Variants in ATP8A1 observed in about 807,000 individuals in gnomAD.
ATP8A1 encodes the protein ATPase phospholipid transporting 8A1.
ATP8A1 carries 90 observed loss-of-function variants against 177.7 expected under a neutral mutation model. The observed-to-expected ratio is 0.51, with a 90% confidence interval of 0.43 to 0.60. ATP8A1 has a LOEUF of 0.60. ATP8A1 is among the 20% of genes least tolerant of loss of function. The pLI is 0.00. For missense variants in ATP8A1, 1,072 were observed against 1,392.8 expected (o/e 0.77, Z 3.67); for synonymous variants, 493 against 485.9 (o/e 1.01, Z -0.19).
intron 34 of ATP8A1, among the ~76,000 whole-genome samples, chr4:42,423,158 G>A (rs746315142): frequency 1.3e-5 from 2 of 151,822 alleles, no homozygotes; most frequent in Non-Finnish European, 2.9e-5. Context: ...TAAATTAAAT[G>A]CTATCTTTTT....
chr4:42,599,153 A>G (rs944794096), intron 6 of ATP8A1, among the ~76,000 whole-genome samples: 1 of 152,192 alleles, frequency 6.6e-6, no homozygotes, highest in African/African-American at 2.4e-5. Context: ...GAAGTAGTAC[A>G]TTATTATCTC....
At chr4:42,454,029 A>G (rs1357776526) in intron 29 of ATP8A1, among the ~76,000 whole-genome samples, 1 of 152,254 alleles carries the variant, frequency 6.6e-6, no homozygotes, top group Non-Finnish European at 1.5e-5. Flanking sequence ...ATAACTGCAC[A>G]TTAATAGTAT....
intron 4 of ATP8A1, among the ~76,000 whole-genome samples, chr4:42,618,789 T>C (rs544428380): frequency 1.3e-5 from 2 of 152,348 alleles, no homozygotes; most frequent in South Asian, 4.1e-4. Flanking sequence ...CTTAAAAATG[T>C]ACTAAATTCA....
chr4:42,533,088 G>A (rs1727445248), intron 20 of ATP8A1, among the ~76,000 whole-genome samples: 1 of 152,170 alleles, frequency 6.6e-6, no homozygotes, highest in South Asian at 2.1e-4. Context: ...ACGGACGTGC[G>A]TGACATGAAC....
rs555266712 is a variant in ATP8A1, at chr4:42,511,495, T to C, written c.1948-4341A>G. On this transcript the variant is annotated intron_variant, in intron 22 of 36. Coordinates refer to ENST00000381668, the MANE Select transcript of ATP8A1 (RefSeq NM_006095.2). ...TCACCAAGCTAAATGTTATAAAGGC[T>C]TGAGGTTGATGACTCTTTGACATAA... 5.3e-5 allele frequency among the ~76,000 whole-genome samples: 8 copies of C among 152,312 alleles called. No homozygotes were observed. In the South Asian group the frequency reaches 1.7e-3, roughly 32 times the overall value.
intron 24 of ATP8A1, among the ~76,000 whole-genome samples, chr4:42,502,176 A>G (rs778363343): frequency 5.7e-4 from 86 of 152,156 alleles, no homozygotes; most frequent in Non-Finnish European, 3.1e-4. Context: ...ACCAGAAAAG[A>G]CAGACATAGT....
At chr4:42,447,740 G>A (rs1717441661) in intron 30 of ATP8A1, among the ~76,000 whole-genome samples, 1 of 152,134 alleles carries the variant, frequency 6.6e-6, no homozygotes, top group African/African-American at 2.4e-5. Flanking sequence ...GTGAGCTTTG[G>A]AGACACCGAA....
In ATP8A1 at chr4:42,428,681, A is replaced by G. The variant is rs186137645; in HGVS notation, c.3124-4976T>C. ...ATTAAACCCTTTCTGTGGCTTCAGA[A>G]TGTCCTCAGAATAGAATACAAAATC... On this transcript the variant is annotated intron_variant, in intron 33 of 36. Coordinates refer to ENST00000381668, the MANE Select transcript of ATP8A1 (RefSeq NM_006095.2). 2.0e-5 allele frequency among the ~76,000 whole-genome samples: 3 copies of G among 152,324 alleles called. No individual in the cohort carries two copies. In the East Asian group the frequency reaches 5.8e-4, roughly 29 times the overall value.
At chr4:42,433,423 T>A (rs6849059) in intron 33 of ATP8A1, among the ~76,000 whole-genome samples, 1 of 151,690 alleles carries the variant, frequency 6.6e-6, no homozygotes, top group Non-Finnish European at 1.5e-5. Context: ...CCGGTATAGG[T>A]CCTGAGACAT....
chr4:42,532,127 C>G (rs1727324796), intron 20 of ATP8A1, among the ~76,000 whole-genome samples: 8 of 151,936 alleles, frequency 5.3e-5, no homozygotes, highest in Admixed American at 5.3e-4. Context: ...CACACAGACA[C>G]AGACACACAG....
rs980939217 is a variant in ATP8A1 at position 42,410,627 on chromosome 4, T to C, written c.*2289A>G. ...CCAGGAAGCAAAGAGACTGACAATG[T>C]CAATAATTCAAAAACAGGACGATGG... On this transcript the variant is annotated 3_prime_UTR_variant, in exon 37 of 37. Coordinates refer to ENST00000381668, the MANE Select transcript of ATP8A1 (RefSeq NM_006095.2). The C allele has an allele frequency of 3.3e-5, 5 of 152,110 alleles. No individual in the cohort carries two copies. The highest frequency in any genetic ancestry group is 7.2e-5 in the African/African-American group (3 of 41,414). 9.4% of individuals were successfully genotyped at this position (152,110 alleles called of 1,614,324 possible). A position where few individuals can be genotyped will look rare whatever the true frequency, so the allele number is the denominator to read the frequency against.
intron 5 of ATP8A1, among the ~76,000 whole-genome samples, chr4:42,608,391 G>T (rs1296150753): frequency 6.8e-6 from 1 of 147,268 alleles, no homozygotes; most frequent in Non-Finnish European, 1.5e-5. Context: ...ACAGAGTCTC[G>T]CTTTGTCACC....
chr4:42,515,410 G>GT (rs1376109058), intron 22 of ATP8A1, among the ~76,000 whole-genome samples: 1 of 152,264 alleles, frequency 6.6e-6, no homozygotes, highest in African/African-American at 2.4e-5. Flanking sequence ...GAAAAGTCCT[G>GT]TTTTCCATTA....
chr4:42,625,854 C>A, intron 2 of ATP8A1, 141 bp from the exon 3 acceptor site: 1 of 451,230 alleles, frequency 2.2e-6, no homozygotes, highest in East Asian at 3.6e-5. Flanking sequence ...TGCAAAGGGT[C>A]ATTAACCTAA....
At chr4:42,515,850 A>G (rs547795369) in intron 22 of ATP8A1, among the ~76,000 whole-genome samples, 2 of 152,362 alleles carry the variant, frequency 1.3e-5, no homozygotes, top group Admixed American at 1.3e-4. Flanking sequence ...TCACATTTAT[A>G]TATCAAGTAA....
rs369524554 is a variant in ATP8A1, at chr4:42,444,638, A to G, written c.2959-4T>C. On this transcript the variant is annotated splice_region_variant and splice_polypyrimidine_tract_variant and intron_variant, in intron 31 of 36. Transcript: ENST00000381668. ...AACACACAGTTATCACCACAAACTAAAACAGAAGGGGAAAATGTTATTTTA... is the reference window on the plus strand; with the variant it reads ...AACACACAGTTATCACCACAAACTAGAACAGAAGGGGAAAATGTTATTTTA... The G allele has an allele frequency of 7.4e-6, 12 of 1,613,698 alleles. No homozygotes were observed. In the African/African-American group the frequency reaches 1.5e-4, roughly 20 times the overall value.
At chr4:42,581,157 G>A (rs760394852) in intron 10 of ATP8A1, among the ~76,000 whole-genome samples, 48 of 151,182 alleles carry the variant, frequency 3.2e-4, no homozygotes, top group Non-Finnish European at 5.4e-4. Context: ...TTTTTGAGAC[G>A]GAGTCTTGCT....
chr4:42,593,734 T>C (rs1291644420), intron 6 of ATP8A1, among the ~76,000 whole-genome samples: 2 of 152,096 alleles, frequency 1.3e-5, no homozygotes, highest in Non-Finnish European at 2.9e-5. Context: ...ATGTTCTGAC[T>C]ACTAATTCAT....
chr4:42,480,006 G>GTGTGTGTGTGTGTGTT (rs1461705903), intron 25 of ATP8A1, among the ~76,000 whole-genome samples: 1 of 149,534 alleles, frequency 6.7e-6, no homozygotes, highest in Non-Finnish European at 1.5e-5. Flanking sequence ...TTGTGTGTGT[G>GTGTGTGTGTGTGTGTT]TGTGTGTGTG....
Sources: allele counts gnomAD v4.1 joint callset (sites outside exome capture counted in the v4.1 genomes callset), GRCh38; gene constraint gnomAD v4.1.1; transcripts MANE v1.5; gene names NCBI Gene and HGNC (gene_info 2026-07-23, HGNC 2026-07-21).